Variants in F8 observed in about 807,000 individuals in gnomAD.
F8 encodes antihemophilic factor.
F8 carries 12 observed loss-of-function variants against 140.6 expected under a neutral mutation model. The observed-to-expected ratio is 0.09, with a 90% CI of 0.05 to 0.14. F8 has a LOEUF of 0.14. F8 is among the 10% of genes least tolerant of loss of function. F8 has a pLI of 1.00. For synonymous variants in F8, 585 were observed against 614.6 expected, an observed-to-expected ratio of 0.95 and a Z score of 0.71; for missense variants, 1,354 against 1,720.7, an observed-to-expected ratio of 0.79 and a Z score of 3.77.
chrX:154,944,613 G>A (rs1464902271), intron 13 of F8, among the ~76,000 whole-genome samples: 1 of 110,737 alleles, frequency 9.0e-6, no homozygotes, highest in Non-Finnish European at 1.9e-5. Context: ...TCAGTGTGGC[G>A]ATTCCTCAGG....
chrX:154,995,405 T>C (rs1209704835), intron 3 of F8, among the ~76,000 whole-genome samples: 1 of 111,958 alleles, frequency 8.9e-6, no homozygotes, highest in Non-Finnish European at 1.9e-5. Context: ...GATTGCGTGA[T>C]TTTTATTTCA....
At chrX:154,880,161 AACACTTGT>A (rs1437201008) in intron 22 of F8, among the ~76,000 whole-genome samples, 1 of 112,203 alleles carries the variant, frequency 8.9e-6, no homozygotes, top group African/African-American at 3.2e-5. Flanking sequence ...TGTTCAAACA[AACACTTGT>A]ACAGGAGCGT....
intron 1 of F8, among the ~76,000 whole-genome samples, chrX:155,013,161 A>AT (rs2073717398): frequency 2.8e-5 from 3 of 108,465 alleles, no homozygotes; most frequent in Non-Finnish European, 5.8e-5. Context: ...AAAAAAAAAA[A>AT]AAAAAAAGAA....
intron 2 of F8, among the ~76,000 whole-genome samples, chrX:154,997,746 C>A (rs781807831): frequency 1.2e-4 from 13 of 111,925 alleles, no homozygotes; most frequent in Non-Finnish European, 1.5e-4. Context: ...TAGGACCTTG[C>A]AGGCCACAGG....
intron 1 of F8, among the ~76,000 whole-genome samples, chrX:155,010,015 A>G (rs1424284979): frequency 1.8e-5 from 2 of 111,989 alleles, no homozygotes; most frequent in African/African-American, 6.5e-5. Context: ...AGATGTTCCT[A>G]AGAGCATTAA....
chrX:154,930,556 C>T lies in F8; in HGVS notation c.3234G>A (p.Leu1078=). 1 of 1,211,273 alleles carries T rather than the reference C, an allele frequency of 8.3e-7. No homozygotes were observed. The highest frequency in any genetic ancestry group is 1.1e-6 in the Non-Finnish European group (1 of 894,992). The change falls in exon 14 of 26, where the codon TTG becomes TTA. Residue 1078 remains leucine (L), a synonymous_variant. Transcript: ENST00000360256. ...RMLMDKNATA[L]RLNHMSNKTT... Reference sequence around the variant, plus strand: ...TTTTATTTGACATATGATTTAGCCTCAAAGCTGTAGCATTTTTGTCCATAA... The same window carrying T: ...TTTTATTTGACATATGATTTAGCCTTAAAGCTGTAGCATTTTTGTCCATAA...
At chrX:154,999,179 T>A (rs782641406) in intron 2 of F8, among the ~76,000 whole-genome samples, 1 of 110,621 alleles carries the variant, frequency 9.0e-6, no homozygotes, top group Admixed American at 9.7e-5. Context: ...AATAAGGGGA[T>A]ACTTCCCACC....
At chrX:155,010,685 G>C (rs1277265714) in intron 1 of F8, among the ~76,000 whole-genome samples, 4 of 110,380 alleles carry the variant, frequency 3.6e-5, no homozygotes, top group Non-Finnish European at 7.6e-5. Context: ...CTGCATGCTA[G>C]ATGGACACTA....
intron 21 of F8, chrX:154,897,950 T>C (rs1268846245): frequency 8.9e-6 from 1 of 112,435 alleles, no homozygotes; most frequent in Non-Finnish European, 1.9e-5. Context: ...TGGGAGCAGT[T>C]TGACAATTAC....
rs781850919 is a variant in F8 at position 154,931,021 on chromosome X, T to A, written c.2769A>T (p.Leu923Phe). The change falls in exon 14 of 26, where the codon TTA (leucine) becomes TTT (phenylalanine). Residue 923 changes from leucine to phenylalanine, a missense_variant. Leu to Phe is a conservative substitution (Grantham distance 22, BLOSUM62 0). Transcript: ENST00000360256. ...LAAGTDNTSS[L>F]GPPSMPVHYD... Reference sequence around the variant, plus strand: ...AATGAACTGGCATACTTGGGGGTCCTAAGGAACTTGTATTATCAGTACCTG... The same window carrying A: ...AATGAACTGGCATACTTGGGGGTCCAAAGGAACTTGTATTATCAGTACCTG... 4.2e-6 allele frequency: 5 copies of A among 1,190,493 alleles called. No individual in the cohort carries two copies. The Admixed American group carries it at 1.2e-4, about 28-fold the overall frequency.
intron 25 of F8, among the ~76,000 whole-genome samples, chrX:154,860,105 A>T (rs1557272729): frequency 8.9e-6 from 1 of 111,891 alleles, no homozygotes; most frequent in Non-Finnish European, 1.9e-5. Context: ...TAATCAGGAC[A>T]ATTTGTTGAA....
chrX:154,928,808 A>G lies in F8; in HGVS notation c.4982T>C (p.Val1661Ala), dbSNP rs1353047003. The change falls in exon 14 of 26, where the codon GTC becomes GCC. Residue 1661 changes from valine to alanine, a missense_variant. Val to Ala is a moderately conservative substitution (Grantham distance 64, BLOSUM62 0). Transcript: ENST00000360256. The stretch of plus-strand genomic sequence containing the variant: ...TATTTCCCGTTGATGGCGTTTCAAG[A>G]CTGGTGGGTTTTGAGAGCACAGCCT... ...TERLCSQNPPVLKRHQREITR... is the reference protein window; with the variant it reads ...TERLCSQNPPALKRHQREITR... The G allele has an allele frequency of 2.5e-6, 3 of 1,211,549 alleles. No individual in the cohort carries two copies. The highest frequency in any genetic ancestry group is 3.4e-6 in the Non-Finnish European group (3 of 895,395).
At chrX:154,995,376 G>A (rs1185963397) in intron 3 of F8, among the ~76,000 whole-genome samples, 4 of 111,741 alleles carry the variant, frequency 3.6e-5, no homozygotes, top group Non-Finnish European at 7.5e-5. Flanking sequence ...CCCACCTGAG[G>A]TGAGATACCA....
intron 12 of F8, among the ~76,000 whole-genome samples, chrX:154,949,354 A>T (rs1244107961): frequency 8.9e-6 from 1 of 112,381 alleles, no homozygotes; most frequent in Non-Finnish European, 1.9e-5. Flanking sequence ...TAATCAATTA[A>T]GCTGTCTCTA....
At chrX:154,962,893 C>CGA (rs141726799) in intron 9 of F8, among the ~76,000 whole-genome samples, 18,727 of 95,561 alleles carry the variant, frequency 0.2, 2,390 homozygotes, top group African/African-American at 0.41. Context: ...GAGACAGAGA[C>CGA]GAGAGAGAGA....
At chrX:154,979,635 C>T (rs182945427) in intron 6 of F8, among the ~76,000 whole-genome samples, 3 of 111,721 alleles carry the variant, frequency 2.7e-5, no homozygotes, top group African/African-American at 9.8e-5. Context: ...GTTTTGGCCC[C>T]ACAGCAGCCT....
intron 15 of F8, 66 bp from the exon 16 acceptor site, chrX:154,905,089 G>A: frequency 1.3e-5 from 11 of 875,226 alleles, no homozygotes; most frequent in Non-Finnish European, 1.6e-5. Context: ...AGGTCCTTAG[G>A]GTTTACATCC....
intron 3 of F8, among the ~76,000 whole-genome samples, 192 bp from the exon 4 acceptor site, chrX:154,993,340 C>T (rs903080978): frequency 3.6e-5 from 4 of 111,682 alleles, no homozygotes; most frequent in South Asian, 7.5e-4. Context: ...CAGCAACGTC[C>T]GCCTCCCAGG....
At chrX:154,907,170 G>A (rs782321968) in intron 14 of F8, among the ~76,000 whole-genome samples, 6 of 111,771 alleles carry the variant, frequency 5.4e-5, no homozygotes, top group African/African-American at 2.0e-4. Context: ...TACCAGTTAC[G>A]TATACATCCT....
Sources: gnomAD v4.1 joint callset for allele counts (sites outside exome capture counted in the v4.1 genomes callset) on GRCh38, gnomAD v4.1.1 for gene constraint, MANE v1.5 for transcripts, NCBI Gene and HGNC (gene_info 2026-07-23, HGNC 2026-07-21) for gene names.